Variants in UTP20 observed in about 807,000 individuals in gnomAD.
The protein encoded by UTP20 is UTP20 small subunit processome component.
A neutral mutation model predicts 329.5 loss-of-function variants in UTP20; 164 were observed. The observed-to-expected ratio is 0.50, with a 90% confidence interval of 0.44 to 0.57. The LOEUF is 0.57. Among genes scored for constraint, UTP20 ranks in the 20% least tolerant of loss-of-function variants. The pLI is 0.00. For synonymous variants in UTP20, 1,151 were observed against 1,159.3 expected, an observed-to-expected ratio of 0.99 and a Z score of 0.14; for missense variants, 3,055 against 3,284.2, an observed-to-expected ratio of 0.93 and a Z score of 1.71.
At chr12:101,337,311 G>GT (rs1006104407) in intron 29 of UTP20, among the ~76,000 whole-genome samples, 170 of 152,068 alleles carry the variant, frequency 1.1e-3, no homozygotes, top group East Asian at 4.6e-3. Context: ...AAGCTCTTTT[G>GT]TTTTTTTTCC....
In UTP20 at chr12:101,363,709, A is replaced by G; in HGVS notation, c.5924A>G (p.Asp1975Gly). The change falls in exon 45 of 62, where the codon GAT becomes GGT. Residue 1975 changes from aspartate to glycine, a missense_variant. Physicochemically the swap from Asp to Gly is moderately conservative, Grantham distance 94. This residue lies in a region of UTP20 where 2,445 missense variants were observed against 2,575.5 expected (regional missense o/e 0.95). Transcript: ENST00000261637. The part of the protein sequence containing the change: ...YEILGKFVGK[D>G]QVTKLILPLK... The stretch of plus-strand genomic sequence containing the variant: ...ATCCTCGGCAAGTTTGTAGGAAAAG[A>G]TCAGGTTACAAAACTCATCCTTCCA... 3.1e-6 allele frequency: 5 copies of G among 1,611,746 alleles called. No homozygotes were observed. Among genetic ancestry groups the G allele is most frequent in the Non-Finnish European group, 4.2e-6 (5 of 1,177,776 alleles).
At position 101,363,572 on chromosome 12, in the gene UTP20, A is replaced by G. The variant is rs1593449692; in HGVS notation, c.5791-4A>G. 4 of 1,607,074 alleles carry G rather than the reference A, an allele frequency of 2.5e-6. No individual in the cohort carries two copies. The highest frequency in any genetic ancestry group is 2.5e-6 in the Non-Finnish European group (3 of 1,177,168). On this transcript the variant is annotated splice_polypyrimidine_tract_variant and splice_region_variant and intron_variant, in intron 44 of 61. Coordinates refer to ENST00000261637, the MANE Select transcript of UTP20 (RefSeq NM_014503.3). ...AATTGCCATTTGTCCTTTTTCTTCC[A>G]AAGATTTTTAACCATGAGTTGTTTG...
At chr12:101,338,023 A>C (rs1003266236) in intron 29 of UTP20, 28 bp from the exon 30 acceptor site, 1 of 1,601,286 alleles carries the variant, frequency 6.2e-7, no homozygotes, top group Non-Finnish European at 8.6e-7. Context: ...TGAGAATAAG[A>C]TGATTACTAC....
intron 42 of UTP20, 112 bp downstream of exon 42, chr12:101,356,805 T>C: frequency 1.3e-6 from 2 of 1,485,790 alleles, no homozygotes; most frequent in East Asian, 2.3e-5. Context: ...CATAACTTGC[T>C]GTGGTTTCGA....
At chr12:101,382,430 C>CA (rs1415967901) in intron 58 of UTP20, among the ~76,000 whole-genome samples, 1 of 151,852 alleles carries the variant, frequency 6.6e-6, no homozygotes, top group African/African-American at 2.4e-5. Context: ...CAAAACAAAA[C>CA]AAAAAATGTA....
At chr12:101,363,489 C>A in intron 44 of UTP20, 87 bp from the exon 45 acceptor site, 2 of 1,210,942 alleles carry the variant, frequency 1.7e-6, no homozygotes, top group Non-Finnish European at 2.3e-6. Context: ...TTGATTTGGA[C>A]ATACCAGGGC....
chr12:101,300,559 G>T (rs1038379645), intron 14 of UTP20, among the ~76,000 whole-genome samples: 1 of 152,064 alleles, frequency 6.6e-6, no homozygotes, highest in African/African-American at 2.4e-5. Flanking sequence ...ACACCTCTAG[G>T]AAGGCCTTTA....
At chr12:101,338,767 C>T (rs1427453351) in intron 30 of UTP20, 46 bp from the exon 31 acceptor site, 2 of 1,517,530 alleles carry the variant, frequency 1.3e-6, no homozygotes, top group Admixed American at 2.2e-5. Context: ...ACAATTATGC[C>T]TTAAGAGAGT....
intron 12 of UTP20, among the ~76,000 whole-genome samples, chr12:101,298,121 C>G (rs1872416373): frequency 6.6e-6 from 1 of 152,154 alleles, no homozygotes; most frequent in African/African-American, 2.4e-5. Context: ...TGAAAAGACT[C>G]TTTAGGAGAT....
chr12:101,386,212 G>GTGT lies in UTP20; in HGVS notation c.*90_*91insGTT, dbSNP rs1870829140. The stretch of plus-strand genomic sequence containing the variant: ...AGGTTGTCTGGGGTAGGGGGGAGGC[G>GTGT]TTTTTTTTTTTTTTTGAGACAAGGT... On this transcript the variant is annotated 3_prime_UTR_variant, in exon 62 of 62. Transcript: ENST00000261637. The GTGT allele has an allele frequency of 4.8e-6, 4 of 826,648 alleles. No individual in the cohort carries two copies. The highest frequency in any genetic ancestry group is 3.8e-5 in the African/African-American group (2 of 52,564). The allele number at this position is 826,648 out of a possible 1,614,324, so 51.2% of individuals were successfully genotyped here.
chr12:101,292,618 A>T (rs1284559556), intron 10 of UTP20, among the ~76,000 whole-genome samples: 1 of 152,208 alleles, frequency 6.6e-6, no homozygotes, highest in Non-Finnish European at 1.5e-5. Flanking sequence ...GCAGTCTGCC[A>T]GTCAGAAGCG....
chr12:101,329,848 T>TA (rs781627310), intron 27 of UTP20, among the ~76,000 whole-genome samples: 4 of 151,194 alleles, frequency 2.6e-5, no homozygotes, highest in African/African-American at 7.3e-5. Flanking sequence ...TGCAAAAAAG[T>TA]AAAAAAATTA....
In UTP20 at chr12:101,383,076, G is replaced by A. The variant is rs142224026; in HGVS notation, c.7692G>A (p.Leu2564=). Residue 2564 remains leucine (L), a synonymous_variant, in exon 59 of 62, where the codon TTG becomes TTA. Transcript: ENST00000261637. ...VKNLLFAAKV[L]YLLELYCEDK... is the part of the protein sequence containing the mutation. ...ATTTGTTGTTCGCAGCCAAAGTCTT[G>A]TATTTACTGGAACTTTATTGTGAGG... The A allele has an allele frequency of 2.6e-4, 421 of 1,609,130 alleles. No homozygotes were observed. The highest frequency in any genetic ancestry group is 3.7e-4 in the South Asian group (33 of 89,804).
In UTP20 at chr12:101,361,993, T is replaced by C; in HGVS notation, c.5723T>C (p.Leu1908Pro). 1 of 1,613,854 alleles carries C rather than the reference T, an allele frequency of 6.2e-7. No individual in the cohort carries two copies. Among genetic ancestry groups the C allele is most frequent in the Non-Finnish European group, 8.5e-7 (1 of 1,179,812 alleles). Residue 1908 changes from leucine (L) to proline (P), a missense_variant, in exon 44 of 62, where the codon CTG becomes CCG. Around this residue, in one of 3 missense-constraint regions of UTP20, gnomAD observed 2,445 missense variants for 2,575.5 expected, o/e 0.95. Transcript: ENST00000261637. ...GTGCTGACTTTCACCGTTCACATGC[T>C]GCTGCAAGGCCTCACCAATAAGCTG... ...VHVLTFTVHM[L>P]LQGLTNKLQV...
At chr12:101,311,074 A>G (rs1476103764) in intron 19 of UTP20, among the ~76,000 whole-genome samples, 2 of 152,212 alleles carry the variant, frequency 1.3e-5, no homozygotes, top group African/African-American at 4.8e-5. Flanking sequence ...TCTGTTTGGA[A>G]GGATAGAAAC....
Position 101,354,261 on chromosome 12 carries a change from CAAA to C in UTP20, c.5108-550_5108-548del, listed in dbSNP as rs71091489. On this transcript the variant is annotated intron_variant, in intron 40 of 61. Coordinates refer to ENST00000261637, the MANE Select transcript of UTP20 (RefSeq NM_014503.3). ...TGGGTGACACGGCAAGACTCTGTCT[CAAA>C]AAAAAAAAAAAAAAAAAAAAGAAAA... Among the ~76,000 whole-genome samples, 530 of 79,968 alleles carry C rather than the reference CAAA, an allele frequency of 6.6e-3. 1 individual carries two copies. Among genetic ancestry groups the C allele is most frequent in the Non-Finnish European group, 0.012 (432 of 35,012 alleles). 52.5% of individuals were successfully genotyped at this position (79,968 alleles called of 152,430 possible). A position where few individuals can be genotyped will look rare whatever the true frequency, so the allele number is the denominator to read the frequency against.
rs766729778 is a variant in UTP20, at chr12:101,281,231, T to C, written c.126+35T>C. 2.6e-6 allele frequency: 4 copies of C among 1,553,448 alleles called. No individual in the cohort carries two copies. The Admixed American group carries it at 6.9e-5, about 27-fold the overall frequency. On this transcript the variant is annotated intron_variant, in intron 2 of 61. Coordinates refer to ENST00000261637, the MANE Select transcript of UTP20 (RefSeq NM_014503.3). ...TGTGATACTAGTCAATCTTCAAGTG[T>C]TCATGGTGTTTTAGTTTCTTCTGTT...
chr12:101,307,294 TACACACACACAC>T (rs35767250), intron 17 of UTP20, among the ~76,000 whole-genome samples: 18 of 146,976 alleles, frequency 1.2e-4, no homozygotes, highest in African/African-American at 3.3e-4. Context: ...ACTTTTTGAA[TACACACACACAC>T]ACACACACAC....
Position 101,298,011 on chromosome 12 carries a change from CTTCT to C in UTP20, c.1431-1670_1431-1667del, listed in dbSNP as rs548553779. 5.6e-3 allele frequency among the ~76,000 whole-genome samples: 851 copies of C among 152,268 alleles called. 2 individuals carry two copies. Among genetic ancestry groups the C allele is most frequent in the Non-Finnish European group, 8.5e-3 (580 of 68,020 alleles). ...TGAATGGTCACCTTTGTTTTGATTC[CTTCT>C]ATGAAGATTTTAAAATCATAGTTTG... On this transcript the variant is annotated intron_variant, in intron 12 of 61. Coordinates refer to ENST00000261637, the MANE Select transcript of UTP20 (RefSeq NM_014503.3).
Sources: gnomAD v4.1 joint callset for allele counts (sites outside exome capture counted in the v4.1 genomes callset) on GRCh38, gnomAD v4.1.1 for gene constraint, gnomAD v4.1.1 regional missense constraint, MANE v1.5 for transcripts, NCBI Gene and HGNC (gene_info 2026-07-23, HGNC 2026-07-21) for gene names.